Variants in HTT observed in about 807,000 individuals in gnomAD.
HTT encodes the protein huntingtin.
In HTT, 104 loss-of-function variants were observed where a neutral mutation model predicts 362.3. The ratio of observed to expected loss-of-function variants is 0.29; its 90% CI spans 0.24 to 0.34. HTT has a LOEUF of 0.34. Ranked by LOEUF, HTT falls within the 10% of genes least tolerant of loss-of-function variation. The pLI is 1.00. For missense variants in HTT, 3,301 were observed against 3,928.6 expected, an observed-to-expected ratio of 0.84 and a Z score of 4.27; for synonymous variants, 1,577 against 1,548.7, an observed-to-expected ratio of 1.02 and a Z score of -0.43.
Position 3,103,908 on chromosome 4 carries a change from A to C in HTT, c.528+25A>C, listed in dbSNP as rs148784390. The C allele has an allele frequency of 2.5e-4, 368 of 1,453,360 alleles. 3 individuals carry two copies. The African/African-American group carries it at 4.5e-3, about 18-fold the overall frequency. 90.0% of individuals were successfully genotyped at this position (1,453,360 alleles called of 1,614,324 possible). Reference sequence around the variant, plus strand: ...GGTGGGCCTTGCTTTTCTTTTTTAAAAATGTTTTAAATTTTAAATTTTTAT... The same window carrying C: ...GGTGGGCCTTGCTTTTCTTTTTTAACAATGTTTTAAATTTTAAATTTTTAT... On this transcript the variant is annotated intron_variant, in intron 4 of 66. Coordinates refer to ENST00000355072, the MANE Select transcript of HTT (RefSeq NM_001388492.1).
At chr4:3,142,648 A>G in intron 22 of HTT, 118 bp from the exon 23 acceptor site, 1 of 539,808 alleles carries the variant, frequency 1.9e-6, no homozygotes, top group South Asian at 2.9e-5. Context: ...CGTTTCACTT[A>G]AAAGTTGAGA....
chr4:3,224,120 C>T lies in HTT; in HGVS notation c.7754C>T (p.Pro2585Leu), dbSNP rs1297928308. 3.1e-6 allele frequency: 5 copies of T among 1,613,846 alleles called. No homozygotes were observed. The highest frequency in any genetic ancestry group is 4.2e-6 in the Non-Finnish European group (5 of 1,179,904). ...QAWDPVPSLS[P>L]ATTGALISHE... ...TGGGATCCTGTCCCTTCTCTGTCTC[C>T]GGCTACTACAGGTACCTGAGGGAAA... The change falls in exon 56 of 67, where the codon CCG becomes CTG. Residue 2585 changes from proline to leucine, a missense_variant. Around this residue, in one of 4 missense-constraint regions of HTT, gnomAD observed 753 missense variants for 1,021.3 expected, o/e 0.74. Transcript: ENST00000355072.
chr4:3,142,085 C>G (rs1271326183), intron 22 of HTT, among the ~76,000 whole-genome samples: 1 of 152,214 alleles, frequency 6.6e-6, no homozygotes, highest in Non-Finnish European at 1.5e-5. Context: ...CAAACTTCAG[C>G]AGGCCTCTTG....
At chr4:3,203,116 C>T (rs1010563042) in intron 41 of HTT, 1 of 152,186 alleles carries the variant, frequency 6.6e-6, no homozygotes, top group African/African-American at 2.4e-5. Context: ...GTCGGTGGCT[C>T]GCTCCTTGCA....
intron 42 of HTT, 78 bp downstream of exon 42, chr4:3,204,226 G>A: frequency 6.7e-7 from 1 of 1,490,888 alleles, no homozygotes. Flanking sequence ...ACACTTGCAT[G>A]GACCCTCTGG....
chr4:3,083,168 G>A (rs1252368640), intron 1 of HTT, among the ~76,000 whole-genome samples: 4 of 152,250 alleles, frequency 2.6e-5, no homozygotes, highest in East Asian at 3.9e-4. Context: ...AGAGACGAGC[G>A]TCTTGTGCAC....
chr4:3,108,671 C>T lies in HTT; in HGVS notation c.747+1248C>T, dbSNP rs183199169. 5.7e-4 allele frequency among the ~76,000 whole-genome samples: 86 copies of T among 152,208 alleles called. No homozygotes were observed. The Middle Eastern group carries it at 0.014, about 24-fold the overall frequency. On this transcript the variant is annotated intron_variant, in intron 6 of 66. Transcript: ENST00000355072. ...CTAACACTTTGTTGAACGTAGAATCCGTTAATTACTTCCTTCCTGAACCTT... is the reference window on the plus strand; with the variant it reads ...CTAACACTTTGTTGAACGTAGAATCTGTTAATTACTTCCTTCCTGAACCTT...
chr4:3,215,702 C>G (rs1720364817), intron 51 of HTT, among the ~76,000 whole-genome samples: 1 of 151,504 alleles, frequency 6.6e-6, no homozygotes, highest in Non-Finnish European at 1.5e-5. Flanking sequence ...GAAAATTCCG[C>G]TTTTCCTACA....
At chr4:3,077,703 C>T (rs1712636428) in intron 1 of HTT, among the ~76,000 whole-genome samples, 1 of 152,174 alleles carries the variant, frequency 6.6e-6, no homozygotes, top group African/African-American at 2.4e-5. Context: ...CAGGTGTGAG[C>T]CACCATGCCT....
chr4:3,111,437 G>T (rs367993495), intron 6 of HTT, among the ~76,000 whole-genome samples: 1 of 152,064 alleles, frequency 6.6e-6, no homozygotes. Context: ...CAGGTGATCC[G>T]CCTGCCTTGG....
chr4:3,199,425 A>G (rs753442252), intron 40 of HTT, among the ~76,000 whole-genome samples: 3 of 152,018 alleles, frequency 2.0e-5, no homozygotes, highest in African/African-American at 4.8e-5. Flanking sequence ...CTGTAATCCT[A>G]GCTACTTGGG....
chr4:3,236,670 C>T (rs1458734704), intron 64 of HTT, among the ~76,000 whole-genome samples: 1 of 152,086 alleles, frequency 6.6e-6, no homozygotes, highest in Non-Finnish European at 1.5e-5. Flanking sequence ...GGCCGTGGTG[C>T]CTGTGAGCAG....
Position 3,154,347 on chromosome 4 carries a change from G to A in HTT, c.3553G>A (p.Gly1185Arg). The stretch of plus-strand genomic sequence containing the variant: ...TTCTCTAAGTCCCATCCGACGAAAG[G>A]GGAAGGAGAAAGAACCAGGAGAACA... ...PPSLSPIRRK[G>R]KEKEPGEQAS... Residue 1185 changes from glycine to arginine, a missense_variant, in exon 27 of 67, where the codon GGG becomes AGG. Physicochemically the swap from Gly to Arg is moderately radical, Grantham distance 125 (BLOSUM62 -2). This residue lies in a region of HTT where 2,316 missense variants were observed against 2,658.5 expected (regional missense o/e 0.87). Transcript: ENST00000355072. The A allele has an allele frequency of 6.2e-7, 1 of 1,613,192 alleles. No homozygotes were observed. The highest frequency in any genetic ancestry group is 8.5e-7 in the Non-Finnish European group (1 of 1,179,610).
chr4:3,197,966 G>T (rs572321427), intron 40 of HTT, among the ~76,000 whole-genome samples: 2 of 152,348 alleles, frequency 1.3e-5, no homozygotes, highest in African/African-American at 4.8e-5. Flanking sequence ...GATGAGGCCA[G>T]TGCAGAATGG....
intron 1 of HTT, among the ~76,000 whole-genome samples, chr4:3,082,495 G>A (rs971641725): frequency 6.6e-6 from 1 of 152,212 alleles, no homozygotes; most frequent in African/African-American, 2.4e-5. Flanking sequence ...TTAGAGACAT[G>A]ATATGTCCAT....
intron 2 of HTT, among the ~76,000 whole-genome samples, chr4:3,092,079 A>G (rs541172605): frequency 2.0e-5 from 3 of 152,242 alleles, no homozygotes; most frequent in African/African-American, 7.2e-5. Flanking sequence ...CCAGAGTGCA[A>G]TGGTGCGATC....
intron 8 of HTT, among the ~76,000 whole-genome samples, chr4:3,117,864 A>G (rs1196403255): frequency 6.6e-6 from 1 of 152,184 alleles, no homozygotes; most frequent in Non-Finnish European, 1.5e-5. Flanking sequence ...AACGTCACAA[A>G]ACAGTGCCAT....
chr4:3,195,349 A>G (rs987464004), intron 40 of HTT, among the ~76,000 whole-genome samples: 1 of 152,082 alleles, frequency 6.6e-6, no homozygotes, highest in African/African-American at 2.4e-5. Flanking sequence ...TCACAAAAAC[A>G]CGGCTTGCGG....
intron 47 of HTT, among the ~76,000 whole-genome samples, chr4:3,210,852 A>G (rs1560595286): frequency 1.3e-5 from 2 of 152,162 alleles, no homozygotes; most frequent in Admixed American, 1.3e-4. Context: ...GAAGAGCTCA[A>G]CTGAAAACAA....
Sources: allele counts gnomAD v4.1 joint callset (sites outside exome capture counted in the v4.1 genomes callset), GRCh38; gene constraint gnomAD v4.1.1; regional missense constraint gnomAD v4.1.1; transcripts MANE v1.5; gene names NCBI Gene and HGNC (gene_info 2026-07-23, HGNC 2026-07-21).